The following FAM135B variants were observed in gnomAD, a reference collection of about 807,000 sequenced individuals.
The protein encoded by FAM135B is protein FAM135B.
Under a neutral mutation model 127.7 loss-of-function variants are expected in FAM135B, and 43 were observed. The ratio of observed to expected loss-of-function variants is 0.34; its 90% CI spans 0.26 to 0.43. FAM135B has a LOEUF of 0.43. Among genes scored for constraint, FAM135B ranks in the 20% least tolerant of loss-of-function variants. The probability of loss-of-function intolerance (pLI) is 1.00; values close to 1 mark genes in which losing one functional copy is unlikely to be tolerated. For synonymous variants in FAM135B, 670 were observed against 665.1 expected, an observed-to-expected ratio of 1.01 and a Z score of -0.11; for missense variants, 1,558 against 1,725.6, an observed-to-expected ratio of 0.90 and a Z score of 1.72.
intron 1 of FAM135B, among the ~76,000 whole-genome samples, chr8:138,494,017 A>T (rs937723368): frequency 1.2e-4 from 11 of 88,362 alleles, no homozygotes; most frequent in African/African-American, 1.2e-3. Context: ...AAAATATTCC[A>T]TCAGATGTTT....
chr8:138,160,790 G>A (rs1004774485), intron 12 of FAM135B, among the ~76,000 whole-genome samples: 10 of 151,792 alleles, frequency 6.6e-5, no homozygotes, highest in African/African-American at 2.2e-4. Context: ...GAACTGCACT[G>A]CACAAACAAA....
rs377393428 is a variant in FAM135B, at chr8:138,347,026, A to G, written c.77+20881T>C. Among the ~76,000 whole-genome samples the G allele has an allele frequency of 1.4e-3, 218 of 152,376 alleles. 1 individual carries two copies. The highest frequency in any genetic ancestry group is 5.1e-3 in the African/African-American group (211 of 41,594). On this transcript the variant is annotated intron_variant, in intron 2 of 19. Coordinates refer to ENST00000395297, the MANE Select transcript of FAM135B (RefSeq NM_015912.4). ...ACTAATATCTAGCACCCTGATTGGTACATAGGTATCAATTACAGTTTGGTA... is the reference window on the plus strand; with the variant it reads ...ACTAATATCTAGCACCCTGATTGGTGCATAGGTATCAATTACAGTTTGGTA...
At chr8:138,317,526 T>C (rs970798391) in intron 2 of FAM135B, among the ~76,000 whole-genome samples, 2 of 152,218 alleles carry the variant, frequency 1.3e-5, no homozygotes, top group African/African-American at 4.8e-5. Flanking sequence ...AAACATTATA[T>C]GAGATGTCTC....
chr8:138,185,818 T>C (rs1473016904), intron 9 of FAM135B, among the ~76,000 whole-genome samples: 1 of 152,198 alleles, frequency 6.6e-6, no homozygotes, highest in Non-Finnish European at 1.5e-5. Context: ...AACTTGTTTG[T>C]ACCAAAGCAC....
chr8:138,184,352 G>C (rs1480482098), intron 9 of FAM135B, among the ~76,000 whole-genome samples: 1 of 152,214 alleles, frequency 6.6e-6, no homozygotes, highest in Non-Finnish European at 1.5e-5. Context: ...GGAACTAGCA[G>C]GAGCTTGTAA....
At chr8:138,365,487 A>T (rs1830679481) in intron 2 of FAM135B, among the ~76,000 whole-genome samples, 1 of 152,056 alleles carries the variant, frequency 6.6e-6, no homozygotes, top group African/African-American at 2.4e-5. Flanking sequence ...ATTTATGCTT[A>T]CAAGTCTATA....
chr8:138,440,279 C>T (rs1407951358), intron 1 of FAM135B: 1 of 152,004 alleles, frequency 6.6e-6, no homozygotes, highest in Non-Finnish European at 1.5e-5. Context: ...CTTAAGCCAC[C>T]CCAGAAGAAG....
At chr8:138,405,920 A>G (rs1234381563) in intron 1 of FAM135B, among the ~76,000 whole-genome samples, 4 of 151,860 alleles carry the variant, frequency 2.6e-5, no homozygotes, top group African/African-American at 9.7e-5. Context: ...CTGGTGTGAG[A>G]TGGTGTCTCA....
intron 7 of FAM135B, among the ~76,000 whole-genome samples, chr8:138,233,315 T>C (rs1403538352): frequency 2.0e-5 from 3 of 152,202 alleles, no homozygotes; most frequent in Non-Finnish European, 2.9e-5. Context: ...ATGCCACTCA[T>C]ACCTCAATAA....
At position 138,141,341 on chromosome 8, in the gene FAM135B, C is replaced by T. The variant is rs1817127624; in HGVS notation, c.3647G>A (p.Gly1216Asp). The change falls in exon 17 of 20, where the codon GGC (glycine) becomes GAC (aspartate). Residue 1216 changes from glycine to aspartate, a missense_variant. By Grantham distance (94) the Gly-to-Asp change is moderately conservative (BLOSUM62 -1). This residue lies in a region of FAM135B where 194 missense variants were observed against 333.8 expected (regional missense o/e 0.58). Coordinates refer to ENST00000395297, the MANE Select transcript of FAM135B (RefSeq NM_015912.4). This position sits in a 1 kb window ranked among gnomAD's most constrained non-coding sequence, Gnocchi z 4.7. ...GATGATGATGTTGCCAAGAGAATGG[C>T]CAATGAAGCTGTGGAGAAACAGAAG... is the stretch of plus-strand genomic sequence containing the variant. ...NLSISRISFI[G>D]HSLGNIIIRS... is the part of the protein sequence containing the mutation. 1 of 1,614,086 alleles carries T rather than the reference C, an allele frequency of 6.2e-7. No individual in the cohort carries two copies. Among genetic ancestry groups the T allele is most frequent in the Non-Finnish European group, 8.5e-7 (1 of 1,180,016 alleles).
intron 3 of FAM135B, among the ~76,000 whole-genome samples, chr8:138,305,769 T>C (rs1230195268): frequency 6.6e-6 from 1 of 152,190 alleles, no homozygotes; most frequent in African/African-American, 2.4e-5. Context: ...AAATGTCATA[T>C]GCTTGACTGA....
intron 1 of FAM135B, among the ~76,000 whole-genome samples, chr8:138,388,930 C>T (rs1832377683): frequency 6.6e-6 from 1 of 152,094 alleles, no homozygotes; most frequent in Admixed American, 6.6e-5. Context: ...CAGTGTAGGT[C>T]TATTTGTTTT....
intron 4 of FAM135B, among the ~76,000 whole-genome samples, chr8:138,262,497 T>G (rs1364946220): frequency 6.6e-6 from 1 of 152,152 alleles, no homozygotes; most frequent in African/African-American, 2.4e-5. Context: ...TTTCCTAAAC[T>G]AAAGGTATTA....
At chr8:138,416,854 T>TG (rs1834186582) in intron 1 of FAM135B, among the ~76,000 whole-genome samples, 1 of 152,052 alleles carries the variant, frequency 6.6e-6, no homozygotes, top group Non-Finnish European at 1.5e-5. Context: ...GTAGAAGCCC[T>TG]GCATGGAGTT....
intron 2 of FAM135B, among the ~76,000 whole-genome samples, chr8:138,335,577 C>T (rs1254774256): frequency 1.3e-5 from 2 of 152,122 alleles, no homozygotes; most frequent in African/African-American, 4.8e-5. Context: ...TATATATGCA[C>T]CCAATACAGG....
In FAM135B at chr8:138,152,503, G is replaced by A. The variant is rs770357820; in HGVS notation, c.1972C>T (p.Leu658=). The A allele has an allele frequency of 1.2e-6, 2 of 1,614,142 alleles. No homozygotes were observed. The highest frequency in any genetic ancestry group is 1.7e-6 in the Non-Finnish European group (2 of 1,180,030). ...TGCTCTTCTGTGTGAGAGTCCTTTAGGGAAGACCTAATATCTAAGGGCTCC... is the reference window on the plus strand; with the variant it reads ...TGCTCTTCTGTGTGAGAGTCCTTTAAGGAAGACCTAATATCTAAGGGCTCC... The part of the protein sequence containing the change: ...LREPLDIRSS[L]KDSHTEEQEE... Residue 658 remains leucine (L), a synonymous_variant, in exon 13 of 20, where the codon CTA becomes TTA. Coordinates refer to ENST00000395297, the MANE Select transcript of FAM135B (RefSeq NM_015912.4).
chr8:138,138,488 G>A (rs1169614874), intron 18 of FAM135B, among the ~76,000 whole-genome samples: 1 of 152,220 alleles, frequency 6.6e-6, no homozygotes, highest in African/African-American at 2.4e-5. Flanking sequence ...GTCCTCTGTG[G>A]ACATTCCCAT....
intron 7 of FAM135B, among the ~76,000 whole-genome samples, chr8:138,208,438 T>G (rs971332997): frequency 6.6e-6 from 1 of 152,266 alleles, no homozygotes; most frequent in Admixed American, 6.5e-5. Context: ...TTCTTATTCC[T>G]AAATATTGTT....
At chr8:138,429,776 C>G (rs1835096044) in intron 1 of FAM135B, among the ~76,000 whole-genome samples, 1 of 152,122 alleles carries the variant, frequency 6.6e-6, no homozygotes, top group Admixed American at 6.6e-5. Context: ...ACTATCCTGA[C>G]AACAGATATT....
Sources: gnomAD v4.1 joint callset for allele counts (sites outside exome capture counted in the v4.1 genomes callset) on GRCh38, gnomAD v4.1.1 for gene constraint, gnomAD v4.1.1 regional missense constraint, Gnocchi (gnomAD v3.1) non-coding constraint, MANE v1.5 for transcripts, NCBI Gene and HGNC (gene_info 2026-07-23, HGNC 2026-07-21) for gene names.